ANXA7: variants seen among roughly 807,000 people sequenced by gnomAD.
ANXA7 encodes the protein annexin VII.
A neutral mutation model predicts 64.9 loss-of-function variants in ANXA7; 55 were observed. The observed-to-expected ratio is 0.85, with a 90% CI of 0.68 to 1.06. ANXA7 has a LOEUF of 1.06. ANXA7 is among the 50% of genes least tolerant of loss of function. ANXA7 has a pLI of 0.00. For missense variants in ANXA7, 548 were observed against 582.1 expected (o/e 0.94, Z 0.60); for synonymous variants, 200 against 192.4 (o/e 1.04, Z -0.33).
At chr10:73,405,316 C>T (rs113688338) in intron 1 of ANXA7, among the ~76,000 whole-genome samples, 1 of 148,998 alleles carries the variant, frequency 6.7e-6, no homozygotes, top group East Asian at 2.0e-4. Context: ...CTGAGGTGGG[C>T]GGATCAACTG....
Position 73,380,066 on chromosome 10 carries a change from G to A in ANXA7, c.1054C>T (p.Pro352Ser). ...FNMILATRSFPQLRATMEAYS... is the reference protein window; with the variant it reads ...FNMILATRSFSQLRATMEAYS... Reference sequence around the variant, plus strand: ...GCCTCCATGGTAGCTCTCAGCTGAGGAAAGCTTCTTGTGGCAAGGATCATG... The same window carrying A: ...GCCTCCATGGTAGCTCTCAGCTGAGAAAAGCTTCTTGTGGCAAGGATCATG... The change falls in exon 10 of 13, where the codon CCT becomes TCT. Residue 352 changes from proline to serine, a missense_variant. Pro to Ser is a moderately conservative substitution (Grantham distance 74). Transcript: ENST00000372921. The A allele has an allele frequency of 1.2e-6, 2 of 1,614,100 alleles. No homozygotes were observed. Among genetic ancestry groups the A allele is most frequent in the South Asian group, 2.2e-5 (2 of 91,064 alleles).
At chr10:73,413,655 G>A (rs1355231318) in intron 1 of ANXA7, among the ~76,000 whole-genome samples, 1 of 152,204 alleles carries the variant, frequency 6.6e-6, no homozygotes, top group African/African-American at 2.4e-5. Flanking sequence ...CCAGCCAGAC[G>A]GCTTTCAGCA....
intron 7 of ANXA7, among the ~76,000 whole-genome samples, 176 bp downstream of exon 7, chr10:73,387,513 T>TCAAAA (rs550023118): frequency 8.0e-6 from 1 of 125,680 alleles, no homozygotes; most frequent in Admixed American, 7.5e-5. Context: ...AGACTTCATC[T>TCAAAA]CAAAACAAAA....
At chr10:73,399,136 A>C (rs2055620415) in intron 2 of ANXA7, among the ~76,000 whole-genome samples, 1 of 152,184 alleles carries the variant, frequency 6.6e-6, no homozygotes, top group Non-Finnish European at 1.5e-5. Flanking sequence ...GGAGGACTCC[A>C]AAGTGCTAAA....
intron 5 of ANXA7, among the ~76,000 whole-genome samples, chr10:73,390,721 A>AAAATATATATATATATATATATATATAT (rs1564526499): frequency 4.6e-5 from 5 of 107,746 alleles, no homozygotes; most frequent in Non-Finnish European, 9.0e-5. Flanking sequence ...TATATATATA[A>AAAATATATATATATATATATATATATAT]AAATATATAT....
At chr10:73,381,312 G>A (rs1232371265) in intron 9 of ANXA7, 2 of 152,150 alleles carry the variant, frequency 1.3e-5, no homozygotes, top group East Asian at 3.8e-4. Flanking sequence ...GTTAGACTGT[G>A]CCTATTTGTA....
rs1350511827 is a variant in ANXA7, at chr10:73,383,753, T to C, written c.634-63A>G. On this transcript the variant is annotated intron_variant, in intron 7 of 12. Transcript: ENST00000372921. Reference sequence around the variant, plus strand: ...TCCAAATTTTGTCACTTAAATCTTTTAAGGAAAATACAAAAAAAGAAATGG... The same window carrying C: ...TCCAAATTTTGTCACTTAAATCTTTCAAGGAAAATACAAAAAAAGAAATGG... 2.9e-6 allele frequency: 3 copies of C among 1,032,176 alleles called. No individual in the cohort carries two copies. In the African/African-American group the frequency reaches 4.8e-5, roughly 17 times the overall value. 63.9% of individuals were successfully genotyped at this position (1,032,176 alleles called of 1,614,324 possible).
intron 12 of ANXA7, among the ~76,000 whole-genome samples, chr10:73,377,944 T>C (rs2055211107): frequency 6.7e-6 from 1 of 149,172 alleles, no homozygotes; most frequent in African/African-American, 2.5e-5. Flanking sequence ...CGCGCGTGTG[T>C]TTTTTGTAGA....
chr10:73,406,797 C>A (rs555647890), intron 1 of ANXA7, among the ~76,000 whole-genome samples: 7 of 152,202 alleles, frequency 4.6e-5, no homozygotes, highest in African/African-American at 1.7e-4. Flanking sequence ...TCTTGAACTC[C>A]TGGGTTCAAG....
At chr10:73,401,982 A>G (rs952172047) in intron 1 of ANXA7, among the ~76,000 whole-genome samples, 2 of 152,218 alleles carry the variant, frequency 1.3e-5, no homozygotes, top group Non-Finnish European at 2.9e-5. Flanking sequence ...ATACTTTTAA[A>G]TGGAAAACTT....
intron 7 of ANXA7, 104 bp from the exon 8 acceptor site, chr10:73,383,794 A>G: frequency 3.8e-6 from 3 of 793,880 alleles, no homozygotes; most frequent in East Asian, 5.4e-5. Flanking sequence ...CTTTATAAAA[A>G]CCTAAATTTG....
intron 9 of ANXA7, among the ~76,000 whole-genome samples, chr10:73,382,329 G>A (rs186929080): frequency 6.8e-6 from 1 of 146,128 alleles, no homozygotes; most frequent in East Asian, 2.1e-4. Context: ...ATCTAAGTGT[G>A]CTTCTTTTCT....
chr10:73,383,796 C>G (rs1487030612), intron 7 of ANXA7, 106 bp from the exon 8 acceptor site: 1 of 781,432 alleles, frequency 1.3e-6, no homozygotes, highest in East Asian at 2.7e-5. Context: ...TTATAAAAAC[C>G]TAAATTTGAA....
intron 1 of ANXA7, among the ~76,000 whole-genome samples, chr10:73,406,103 C>T (rs960449015): frequency 2.0e-5 from 3 of 151,948 alleles, no homozygotes; most frequent in African/African-American, 7.3e-5. Flanking sequence ...TTACAGGCGC[C>T]CACCACCACA....
At chr10:73,387,846 C>CTTTT (rs775570274) in intron 6 of ANXA7, 63 bp from the exon 7 acceptor site, 147 of 550,976 alleles carry the variant, frequency 2.7e-4, no homozygotes, top group Middle Eastern at 5.1e-4. Context: ...TTGAGGTCAT[C>CTTTT]TTTTTTTTTT....
At chr10:73,381,034 T>C (rs972703427) in intron 9 of ANXA7, among the ~76,000 whole-genome samples, 1 of 152,000 alleles carries the variant, frequency 6.6e-6, no homozygotes, top group African/African-American at 2.4e-5. Context: ...TTTCTTCATC[T>C]GAGTATAATA....
intron 1 of ANXA7, among the ~76,000 whole-genome samples, chr10:73,410,315 A>G (rs913868785): frequency 2.0e-5 from 3 of 152,200 alleles, no homozygotes; most frequent in African/African-American, 7.2e-5. Flanking sequence ...AGAAAAAAAA[A>G]CAATTGCATT....
rs560642551 is a variant in ANXA7, at chr10:73,394,188, G to A, written c.435+2331C>T. Among the ~76,000 whole-genome samples the A allele has an allele frequency of 8.0e-4, 122 of 152,256 alleles. 2 individuals are homozygous for A. The highest frequency in any genetic ancestry group is 5.0e-3 in the South Asian group (24 of 4,824). ...ATCATCTCACACCAGTTAGAATGGC[G>A]ATCATTAAAAAGTCAGCAAACAACA... On this transcript the variant is annotated intron_variant, in intron 5 of 12. Coordinates refer to ENST00000372921, the MANE Select transcript of ANXA7 (RefSeq NM_001156.5).
intron 9 of ANXA7, among the ~76,000 whole-genome samples, chr10:73,382,577 C>A (rs999103253): frequency 1.3e-5 from 2 of 152,102 alleles, no homozygotes; most frequent in African/African-American, 4.8e-5. Context: ...AACTCCTGGC[C>A]TCAAGCAATC....
Sources: allele counts gnomAD v4.1 joint callset (sites outside exome capture counted in the v4.1 genomes callset), GRCh38; gene constraint gnomAD v4.1.1; transcripts MANE v1.5; gene names NCBI Gene and HGNC (gene_info 2026-07-23, HGNC 2026-07-21).